The following MAP2K6 variants were observed in gnomAD, a reference collection of about 807,000 sequenced individuals.
The protein encoded by MAP2K6 is mitogen-activated protein kinase kinase 6.
A neutral mutation model predicts 53.7 loss-of-function variants in MAP2K6; 16 were observed. That is an observed-to-expected ratio of 0.30 (90% CI 0.20 to 0.45). The LOEUF is 0.45. Ranked by LOEUF, MAP2K6 falls within the 20% of genes least tolerant of loss-of-function variation. The pLI is 1.00. For synonymous variants in MAP2K6, 132 were observed against 143.1 expected, an observed-to-expected ratio of 0.92 and a Z score of 0.55; for missense variants, 204 against 411.9, an observed-to-expected ratio of 0.50 and a Z score of 4.37.
intron 1 of MAP2K6, among the ~76,000 whole-genome samples, chr17:69,463,260 A>G (rs891601750): frequency 4.0e-4 from 61 of 151,250 alleles, no homozygotes; most frequent in African/African-American, 1.4e-3. Context: ...GCTTTCACGT[A>G]CATATATGTA....
At position 69,516,818 on chromosome 17, in the gene MAP2K6, A is replaced by C. The variant is rs192740591; in HGVS notation, c.84-37A>C. 4.3e-3 allele frequency: 6,335 copies of C among 1,472,596 alleles called. 21 individuals are homozygous for C. The highest frequency in any genetic ancestry group is 5.4e-3 in the Non-Finnish European group (5,748 of 1,057,240). 91.2% of individuals were successfully genotyped at this position (1,472,596 alleles called of 1,614,324 possible). A position where few individuals can be genotyped will look rare whatever the true frequency, so the allele number is the denominator to read the frequency against. On this transcript the variant is annotated intron_variant, in intron 2 of 11. Transcript: ENST00000590474. ...TTGGGAAGGACATAATTGACTCAAT[A>C]GCTTATGTTTCTTCTTTTCCCCCTT...
chr17:69,514,723 G>A (rs1316043227), intron 2 of MAP2K6, among the ~76,000 whole-genome samples: 6 of 151,734 alleles, frequency 4.0e-5, no homozygotes, highest in Non-Finnish European at 8.8e-5. Context: ...CACCACGCCC[G>A]GCTAATTTTT....
In MAP2K6 at chr17:69,496,172, C is replaced by G. The variant is rs377580940; in HGVS notation, c.17-9608C>G. On this transcript the variant is annotated intron_variant, in intron 1 of 11. Transcript: ENST00000590474. ...TAAAATGGGGCCATTTCCCAATTAG[C>G]GGATGGACAGGCTGGCTCATTCTTC... Among the ~76,000 whole-genome samples the G allele has an allele frequency of 4.6e-5, 7 of 151,942 alleles. No individual in the cohort carries two copies. The East Asian group carries it at 1.4e-3, about 29-fold the overall frequency.
At chr17:69,419,928 ATT>A (rs1280653097) in intron 1 of MAP2K6, among the ~76,000 whole-genome samples, 7 of 143,232 alleles carry the variant, frequency 4.9e-5, no homozygotes, top group South Asian at 2.2e-4. Context: ...AAAAAAAAAA[ATT>A]AATTAATTTG....
At chr17:69,485,157 G>A (rs892687698) in intron 1 of MAP2K6, 2 of 152,068 alleles carry the variant, frequency 1.3e-5, no homozygotes, top group African/African-American at 4.8e-5. Flanking sequence ...TAATGTCATG[G>A]ACCAACTCTA....
chr17:69,524,188 A>G lies in MAP2K6; in HGVS notation c.663+547A>G, dbSNP rs886753374. 2.6e-5 allele frequency among the ~76,000 whole-genome samples: 4 copies of G among 152,072 alleles called. No homozygotes were observed. In the East Asian group the frequency reaches 7.7e-4, roughly 29 times the overall value. On this transcript the variant is annotated intron_variant, in intron 8 of 11. Coordinates refer to ENST00000590474, the MANE Select transcript of MAP2K6 (RefSeq NM_002758.4). ...GTGGGGCACAGACATAGTTATATATATATTACTTTAAAAAAATCAAGTGAA... is the reference window on the plus strand; with the variant it reads ...GTGGGGCACAGACATAGTTATATATGTATTACTTTAAAAAAATCAAGTGAA...
chr17:69,463,928 A>G (rs1351601029), intron 1 of MAP2K6, among the ~76,000 whole-genome samples: 1 of 150,898 alleles, frequency 6.6e-6, no homozygotes, highest in Non-Finnish European at 1.5e-5. Context: ...CTGAGACAGG[A>G]GAATCGCTTG....
In MAP2K6 at chr17:69,465,079, T is replaced by C. The variant is rs1047748656; in HGVS notation, c.17-40701T>C. Among the ~76,000 whole-genome samples the C allele has an allele frequency of 3.3e-5, 5 of 151,884 alleles. No individual in the cohort carries two copies. The South Asian group carries it at 8.3e-4, about 25-fold the overall frequency. On this transcript the variant is annotated intron_variant, in intron 1 of 11. Coordinates refer to ENST00000590474, the MANE Select transcript of MAP2K6 (RefSeq NM_002758.4). ...TTTTACAGACCCCCACAGAGCCTGA[T>C]GCATAATAGCTCCTTGATAATATTT...
intron 1 of MAP2K6, among the ~76,000 whole-genome samples, chr17:69,452,089 A>G (rs1907249558): frequency 6.6e-6 from 1 of 152,034 alleles, no homozygotes; most frequent in African/African-American, 2.4e-5. Context: ...TCTATGGACA[A>G]GTTCCCCTAA....
chr17:69,424,768 G>A (rs1378821108), intron 1 of MAP2K6, among the ~76,000 whole-genome samples: 1 of 152,152 alleles, frequency 6.6e-6, no homozygotes, highest in African/African-American at 2.4e-5. Context: ...CTATTTATAG[G>A]TTCTTTTTGA....
In MAP2K6 at chr17:69,508,237, T is replaced by A. The variant is rs563661982; in HGVS notation, c.83+2391T>A. 2.6e-4 allele frequency among the ~76,000 whole-genome samples: 40 copies of A among 151,592 alleles called. No homozygotes were observed. In the South Asian group the frequency reaches 8.0e-3, roughly 30 times the overall value. On this transcript the variant is annotated intron_variant, in intron 2 of 11. Transcript: ENST00000590474. The stretch of plus-strand genomic sequence containing the variant: ...CAGCTGATTTTTTTTTTTTCTTTTT[T>A]TGGTAGAGACGGGGTTTCACCATAT...
intron 1 of MAP2K6, among the ~76,000 whole-genome samples, chr17:69,457,043 A>T (rs1412981155): frequency 6.6e-6 from 1 of 152,178 alleles, no homozygotes; most frequent in Non-Finnish European, 1.5e-5. Flanking sequence ...CTTCTAGAAC[A>T]TCTCCTTTTC....
At chr17:69,441,884 G>C (rs936713187) in intron 1 of MAP2K6, among the ~76,000 whole-genome samples, 2 of 152,072 alleles carry the variant, frequency 1.3e-5, no homozygotes, top group African/African-American at 4.8e-5. Flanking sequence ...TGATAGGTGG[G>C]GGTGCTTCAG....
At chr17:69,523,424 AC>A (rs1238967414) in intron 7 of MAP2K6, 89 bp from the exon 8 acceptor site, 3 of 1,545,466 alleles carry the variant, frequency 1.9e-6, no homozygotes, top group African/African-American at 2.7e-5. Context: ...AAGATGAAGG[AC>A]AAATGGAGAT....
At chr17:69,488,559 G>A (rs1335146164) in intron 1 of MAP2K6, among the ~76,000 whole-genome samples, 1 of 152,174 alleles carries the variant, frequency 6.6e-6, no homozygotes, top group Non-Finnish European at 1.5e-5. Flanking sequence ...AGAAAATGTG[G>A]TACATATACA....
chr17:69,500,963 T>C (rs1376347891), intron 1 of MAP2K6, among the ~76,000 whole-genome samples: 1 of 152,190 alleles, frequency 6.6e-6, no homozygotes, highest in Admixed American at 6.5e-5. Flanking sequence ...TCCCCTGCCC[T>C]GCTTCGTTCG....
chr17:69,431,691 G>C (rs1906466626), intron 1 of MAP2K6, among the ~76,000 whole-genome samples: 1 of 152,150 alleles, frequency 6.6e-6, no homozygotes, highest in East Asian at 1.9e-4. Flanking sequence ...CCCTCCCTTT[G>C]CAGGGTCCCT....
chr17:69,515,188 A>C (rs1598302660), intron 2 of MAP2K6, among the ~76,000 whole-genome samples: 1 of 143,270 alleles, frequency 7.0e-6, no homozygotes. Flanking sequence ...ACAGAGTCTC[A>C]CTCTGTCACC....
At chr17:69,458,240 A>G (rs193222360) in intron 1 of MAP2K6, among the ~76,000 whole-genome samples, 1 of 152,170 alleles carries the variant, frequency 6.6e-6, no homozygotes, top group Non-Finnish European at 1.5e-5. Context: ...CTTAGTAGAG[A>G]TGGGGTTTCA....
Sources: allele counts gnomAD v4.1 joint callset (sites outside exome capture counted in the v4.1 genomes callset), GRCh38; gene constraint gnomAD v4.1.1; transcripts MANE v1.5; gene names NCBI Gene and HGNC (gene_info 2026-07-23, HGNC 2026-07-21).